Variants in COL26A1 observed in about 807,000 individuals in gnomAD.
COL26A1 encodes collagen type XXVI alpha 1 chain.
Under a neutral mutation model 59.3 loss-of-function variants are expected in COL26A1, and 41 were observed. The ratio of observed to expected loss-of-function variants is 0.69; its 90% confidence interval spans 0.54 to 0.90. The LOEUF is 0.90. Ranked by LOEUF, COL26A1 falls within the 40% of genes least tolerant of loss-of-function variation. The pLI is 0.00. For synonymous variants in COL26A1, 266 were observed against 256.0 expected, an observed-to-expected ratio of 1.04 and a Z score of -0.37; for missense variants, 612 against 602.3, an observed-to-expected ratio of 1.02 and a Z score of -0.17.
chr7:101,394,869 CTTTTTTTTTTTTT>C (rs61005447), intron 1 of COL26A1, among the ~76,000 whole-genome samples: 6 of 97,044 alleles, frequency 6.2e-5, no homozygotes, highest in African/African-American at 2.5e-4. Context: ...TTTTTCTTTT[CTTTTTTTTTTTTT>C]TTTTTTTTTG....
intron 8 of COL26A1, among the ~76,000 whole-genome samples, chr7:101,548,313 A>G (rs1010289446): frequency 6.6e-6 from 1 of 152,168 alleles, no homozygotes; most frequent in African/African-American, 2.4e-5. Context: ...GTGTGGGGTC[A>G]TGAGAGACCA....
At chr7:101,391,106 TG>T (rs1411085253) in intron 1 of COL26A1, among the ~76,000 whole-genome samples, 2 of 152,156 alleles carry the variant, frequency 1.3e-5, no homozygotes, top group African/African-American at 4.8e-5. Flanking sequence ...GAAAGGGGGA[TG>T]GGGAGGGCCC....
intron 2 of COL26A1, among the ~76,000 whole-genome samples, chr7:101,443,496 A>G (rs1472839783): frequency 1.3e-5 from 2 of 152,160 alleles, no homozygotes; most frequent in Non-Finnish European, 1.5e-5. Flanking sequence ...GCCTGCTGCT[A>G]CCAATTAATT....
At chr7:101,427,491 T>G (rs13245979) in intron 2 of COL26A1, among the ~76,000 whole-genome samples, 109,989 of 151,296 alleles carry the variant, frequency 0.73, 40,944 homozygotes, top group African/African-American at 0.9. Flanking sequence ...GTAAAACCCC[T>G]TCTCTACTAA....
intron 2 of COL26A1, among the ~76,000 whole-genome samples, chr7:101,440,412 A>C (rs937993096): frequency 2.0e-5 from 3 of 152,292 alleles, no homozygotes; most frequent in Non-Finnish European, 4.4e-5. Flanking sequence ...ACTGGACCCT[A>C]GCGGCAGGGG....
intron 3 of COL26A1, among the ~76,000 whole-genome samples, chr7:101,491,483 G>A (rs1416705253): frequency 6.6e-6 from 1 of 152,172 alleles, no homozygotes; most frequent in African/African-American, 2.4e-5. Flanking sequence ...CAAAGCAAAA[G>A]CAAGTTTATG....
chr7:101,418,345 G>A (rs188021071), intron 1 of COL26A1, among the ~76,000 whole-genome samples: 91 of 152,238 alleles, frequency 6.0e-4, no homozygotes, highest in East Asian at 3.9e-4. Flanking sequence ...TCTTTTGTGT[G>A]TTTCTGGCTG....
intron 1 of COL26A1, among the ~76,000 whole-genome samples, chr7:101,412,075 A>G (rs998519213): frequency 1.3e-5 from 2 of 152,152 alleles, no homozygotes; most frequent in Admixed American, 6.5e-5. Context: ...TTGGAAGGCC[A>G]AGCCTGAGGC....
intron 11 of COL26A1, among the ~76,000 whole-genome samples, chr7:101,553,735 G>A (rs1184299125): frequency 1.3e-5 from 2 of 152,190 alleles, no homozygotes; most frequent in Non-Finnish European, 2.9e-5. Flanking sequence ...GGGTTCTCCC[G>A]TGAATGGCGT....
At chr7:101,465,034 C>CTTTTT (rs112899121) in intron 3 of COL26A1, among the ~76,000 whole-genome samples, 22 of 130,024 alleles carry the variant, frequency 1.7e-4, no homozygotes, top group African/African-American at 2.8e-4. Context: ...TTCTTTCTTT[C>CTTTTT]TTTTTTTTTT....
chr7:101,518,651 A>C (rs910399916), intron 3 of COL26A1, among the ~76,000 whole-genome samples: 2 of 152,230 alleles, frequency 1.3e-5, no homozygotes, highest in African/African-American at 4.8e-5. Context: ...CAATAACTTC[A>C]GATGAACAAT....
At chr7:101,432,216 CT>C (rs1792799419) in intron 2 of COL26A1, among the ~76,000 whole-genome samples, 1 of 152,124 alleles carries the variant, frequency 6.6e-6, no homozygotes, top group Non-Finnish European at 1.5e-5. Context: ...CCCGCTTCAG[CT>C]TCCCAAAGTG....
rs531167275 is a variant in COL26A1, at chr7:101,420,896, T to C, written c.281+797T>C. ...CGGTCTCCAAAGTTCCAACTCTCCT[T>C]CTTTTCCCTTCTTCCTCCTCTCCAG... On this transcript the variant is annotated intron_variant, in intron 2 of 12. Coordinates refer to ENST00000313669, the MANE Select transcript of COL26A1 (RefSeq NM_001278563.3). Among the ~76,000 whole-genome samples the C allele has an allele frequency of 2.9e-4, 44 of 151,958 alleles. 1 individual carries two copies. In the South Asian group the frequency reaches 5.2e-3, roughly 18 times the overall value.
chr7:101,472,745 G>C (rs1248597473), intron 3 of COL26A1, among the ~76,000 whole-genome samples: 1 of 152,132 alleles, frequency 6.6e-6, no homozygotes, highest in South Asian at 2.1e-4. Flanking sequence ...GCTCTTAGGA[G>C]CCCATAAACA....
chr7:101,390,274 G>A (rs538590945), intron 1 of COL26A1, among the ~76,000 whole-genome samples: 1 of 147,704 alleles, frequency 6.8e-6, no homozygotes, highest in East Asian at 2.1e-4. Context: ...TCCTGCCTCA[G>A]CCTCCCGAGT....
intron 3 of COL26A1, among the ~76,000 whole-genome samples, chr7:101,473,671 A>G (rs894652301): frequency 6.6e-6 from 1 of 151,278 alleles, no homozygotes; most frequent in African/African-American, 2.4e-5. Flanking sequence ...CACAACAAAA[A>G]ACAAAAACAA....
At chr7:101,386,565 G>A (rs906539991) in intron 1 of COL26A1, among the ~76,000 whole-genome samples, 1 of 152,048 alleles carries the variant, frequency 6.6e-6, no homozygotes, top group African/African-American at 2.4e-5. Flanking sequence ...GGGGTCAGGA[G>A]CCCTGTCCCA....
At chr7:101,372,827 C>A (rs1791225772) in intron 1 of COL26A1, among the ~76,000 whole-genome samples, 1 of 152,088 alleles carries the variant, frequency 6.6e-6, no homozygotes, top group African/African-American at 2.4e-5. Flanking sequence ...AAGACCCCGT[C>A]TCTACCAAAA....
intron 3 of COL26A1, among the ~76,000 whole-genome samples, chr7:101,510,531 A>G (rs1160217388): frequency 6.6e-6 from 1 of 152,100 alleles, no homozygotes; most frequent in Non-Finnish European, 1.5e-5. Flanking sequence ...CTGCCTTCTG[A>G]CACAGCTGCA....
Sources: gnomAD v4.1 joint callset for allele counts (sites outside exome capture counted in the v4.1 genomes callset) on GRCh38, gnomAD v4.1.1 for gene constraint, MANE v1.5 for transcripts, NCBI Gene and HGNC (gene_info 2026-07-23, HGNC 2026-07-21) for gene names.